Variants in TASP1 observed in about 807,000 individuals in gnomAD.
TASP1 encodes threonine aspartase 1.
Under a neutral mutation model 56.6 loss-of-function variants are expected in TASP1, and 16 were observed. The ratio of observed to expected loss-of-function variants is 0.28; its 90% CI spans 0.19 to 0.43. TASP1 has a LOEUF of 0.43. Ranked by LOEUF, TASP1 falls within the 20% of genes least tolerant of loss-of-function variation. TASP1 has a pLI of 1.00. For missense variants in TASP1, 393 were observed against 511.6 expected, an observed-to-expected ratio of 0.77 and a Z score of 2.24; for synonymous variants, 179 against 184.2, an observed-to-expected ratio of 0.97 and a Z score of 0.23.
chr20:13,474,016 C>T (rs2044625345), intron 11 of TASP1, among the ~76,000 whole-genome samples: 1 of 152,154 alleles, frequency 6.6e-6, no homozygotes, highest in Non-Finnish European at 1.5e-5. Context: ...TTGTAAGTTA[C>T]AGGGAGCTAT....
the TASP1 span, among the ~76,000 whole-genome samples, chr20:13,121,421 G>A: frequency 2.6e-5 from 4 of 152,282 alleles, no homozygotes; most frequent in East Asian, 1.9e-4. Flanking sequence ...AAGTAAGCAG[G>A]GGTCAGGGAG....
At chr20:13,637,250 C>A (rs2049342174) in intron 1 of TASP1, among the ~76,000 whole-genome samples, 1 of 152,134 alleles carries the variant, frequency 6.6e-6, no homozygotes, top group African/African-American at 2.4e-5. Flanking sequence ...TAAGTGCTCC[C>A]AAGGATATGA....
intron 8 of TASP1, among the ~76,000 whole-genome samples, chr20:13,541,773 G>A (rs1297202699): frequency 6.6e-6 from 1 of 152,020 alleles, no homozygotes; most frequent in Non-Finnish European, 1.5e-5. Flanking sequence ...TCATGAAGAA[G>A]GGAAATAAAT....
chr20:13,558,894 CAT>C lies in TASP1; in HGVS notation c.675+112_675+113del, dbSNP rs2046250889. 1.1e-5 allele frequency: 6 copies of C among 545,820 alleles called. No individual in the cohort carries two copies. The East Asian group carries it at 1.9e-4, about 17-fold the overall frequency. The allele number at this position is 545,820 out of a possible 1,614,324, so 33.8% of individuals were successfully genotyped here. On this transcript the variant is annotated intron_variant, in intron 8 of 13. Transcript: ENST00000337743. Reference sequence around the variant, plus strand: ...GTAGCTACTGAAAAACTTTAAAGTACATATGTGACACACATTCTATTTCTACT... The same window carrying C: ...GTAGCTACTGAAAAACTTTAAAGTACATGTGACACACATTCTATTTCTACT...
chr20:13,160,241 G>A, the TASP1 span: 1 of 1,339,036 alleles, frequency 7.5e-7, no homozygotes, highest in South Asian at 2.0e-5. Flanking sequence ...GGGTTATTTA[G>A]GAAAACAACA....
chr20:13,202,983 A>G, the TASP1 span, among the ~76,000 whole-genome samples: 1 of 152,254 alleles, frequency 6.6e-6, no homozygotes, highest in Non-Finnish European at 1.5e-5. Flanking sequence ...GCTTTAGGCT[A>G]AACTTAATTT....
intron 12 of TASP1, among the ~76,000 whole-genome samples, chr20:13,425,006 C>G (rs747154242): frequency 6.6e-6 from 1 of 152,184 alleles, no homozygotes; most frequent in Non-Finnish European, 1.5e-5. Flanking sequence ...TAGGGATGAG[C>G]TGCACGTGTG....
the TASP1 span, among the ~76,000 whole-genome samples, chr20:13,305,298 A>G: frequency 2.0e-5 from 3 of 151,962 alleles, no homozygotes; most frequent in East Asian, 3.9e-4. Context: ...GTACTTTTCC[A>G]TAATTTTAGA....
intron 4 of TASP1, among the ~76,000 whole-genome samples, chr20:13,604,413 C>G (rs988733062): frequency 6.6e-6 from 1 of 152,160 alleles, no homozygotes; most frequent in Non-Finnish European, 1.5e-5. Context: ...ATGTGATATA[C>G]CGACTCCTCC....
At chr20:13,177,367 C>G in the TASP1 span, among the ~76,000 whole-genome samples, 38 of 152,076 alleles carry the variant, frequency 2.5e-4, no homozygotes, top group Non-Finnish European at 5.1e-4. Context: ...TCAATGCAAT[C>G]TCTATCAAAA....
intron 10 of TASP1, among the ~76,000 whole-genome samples, chr20:13,525,325 T>C (rs1050437517): frequency 1.3e-5 from 2 of 152,166 alleles, no homozygotes; most frequent in Non-Finnish European, 2.9e-5. Flanking sequence ...TGGAAGAGTC[T>C]GGACAGGAAC....
chr20:13,546,567 G>T (rs2045817119), intron 8 of TASP1, among the ~76,000 whole-genome samples: 1 of 144,390 alleles, frequency 6.9e-6, no homozygotes, highest in African/African-American at 2.5e-5. Context: ...AAATAAACAT[G>T]TGCTACAAAA....
chr20:13,606,806 C>CAA (rs71334137), intron 4 of TASP1, among the ~76,000 whole-genome samples: 63 of 74,972 alleles, frequency 8.4e-4, no homozygotes, highest in Middle Eastern at 7.1e-3. Flanking sequence ...GACTCCGTCT[C>CAA]AAAAAAAAAA....
At chr20:13,117,221 A>G in the TASP1 span, among the ~76,000 whole-genome samples, 1 of 152,240 alleles carries the variant, frequency 6.6e-6, no homozygotes, top group African/African-American at 2.4e-5. Context: ...TGGCTTTACA[A>G]ATAAATTGGA....
chr20:13,391,776 G>A (rs1446145600), intron 13 of TASP1, among the ~76,000 whole-genome samples: 4 of 151,666 alleles, frequency 2.6e-5, no homozygotes, highest in South Asian at 2.1e-4. Flanking sequence ...GACCATCCTG[G>A]CCAACATGGT....
chr20:13,353,189 T>A, the TASP1 span, among the ~76,000 whole-genome samples: 1 of 150,030 alleles, frequency 6.7e-6, no homozygotes, highest in South Asian at 2.1e-4. Context: ...TGAGCTATGA[T>A]GGCACTACTA....
chr20:13,117,802 C>T, the TASP1 span: 4 of 1,354,070 alleles, frequency 3.0e-6, no homozygotes, highest in African/African-American at 4.4e-5. Context: ...CTCTGAATTT[C>T]ATGAAAGCTT....
At chr20:13,248,634 G>T in the TASP1 span, among the ~76,000 whole-genome samples, 1 of 152,186 alleles carries the variant, frequency 6.6e-6, no homozygotes, top group African/African-American at 2.4e-5. Flanking sequence ...AATGTGCTCA[G>T]TTTGTTTTCC....
the TASP1 span, among the ~76,000 whole-genome samples, chr20:13,255,390 G>T: frequency 6.6e-6 from 1 of 152,200 alleles, no homozygotes; most frequent in African/African-American, 2.4e-5. Context: ...TTATTTGTGT[G>T]TGTGTTTTTA....
Sources: allele counts gnomAD v4.1 joint callset (sites outside exome capture counted in the v4.1 genomes callset), GRCh38; gene constraint gnomAD v4.1.1; transcripts MANE v1.5; gene names NCBI Gene and HGNC (gene_info 2026-07-23, HGNC 2026-07-21).